Variants in NTRK2 observed in about 807,000 individuals in gnomAD.
NTRK2 encodes the protein BDNF/NT-3 growth factors receptor.
A neutral mutation model predicts 94.5 loss-of-function variants in NTRK2; 13 were observed. That is an observed-to-expected ratio of 0.14 (90% CI 0.09 to 0.22). NTRK2 has a LOEUF of 0.22. NTRK2 is among the 10% of genes least tolerant of loss of function. The pLI, the probability that NTRK2 is intolerant of heterozygous loss-of-function variation, is 1.00. For synonymous variants in NTRK2, 372 were observed against 407.4 expected (o/e 0.91, Z 1.05); for missense variants, 639 against 1,071.2 (o/e 0.60, Z 5.63).
At position 84,706,514 on chromosome 9, in the gene NTRK2, A is replaced by ATTTT. The variant is rs1251771059; in HGVS notation, c.360-1327_360-1324dup. 5.9e-3 allele frequency among the ~76,000 whole-genome samples: 407 copies of ATTTT among 68,458 alleles called. 18 individuals are homozygous for ATTTT. The highest frequency in any genetic ancestry group is 0.012 in the South Asian group (23 of 1,978). The allele number at this position is 68,458 out of a possible 152,430, so 44.9% of individuals were successfully genotyped here. ...GTCACCCTCAGATCTCATGTGTGTT[A>ATTTT]TTTTTTGTTTTTGTTTTTTTTTTTT... On this transcript the variant is annotated intron_variant, in intron 4 of 18. Coordinates refer to ENST00000277120, the MANE Select transcript of NTRK2 (RefSeq NM_006180.6).
chr9:84,783,607 A>G (rs905427059), intron 12 of NTRK2, among the ~76,000 whole-genome samples: 1 of 152,180 alleles, frequency 6.6e-6, no homozygotes, highest in African/African-American at 2.4e-5. Flanking sequence ...GTCCTCAGAG[A>G]TGGGCATTGA....
chr9:84,936,061 C>T (rs1274761561), intron 15 of NTRK2, among the ~76,000 whole-genome samples: 1 of 152,086 alleles, frequency 6.6e-6, no homozygotes, highest in African/African-American at 2.4e-5. Flanking sequence ...TAAGTCAGAC[C>T]TTCAGACTCT....
intron 12 of NTRK2, among the ~76,000 whole-genome samples, chr9:84,795,188 G>T (rs1050022614): frequency 4.6e-5 from 7 of 152,160 alleles, no homozygotes; most frequent in Admixed American, 6.5e-5. Context: ...ACCTCCTGAG[G>T]GGTGGTGGCA....
intron 9 of NTRK2, among the ~76,000 whole-genome samples, chr9:84,736,625 GAGA>G (rs1234263422): frequency 6.6e-6 from 1 of 152,162 alleles, no homozygotes; most frequent in Non-Finnish European, 1.5e-5. Flanking sequence ...TTAAATAACT[GAGA>G]AGAGAATGAT....
At chr9:84,959,582 A>G (rs534652500) in intron 17 of NTRK2, among the ~76,000 whole-genome samples, 1 of 152,342 alleles carries the variant, frequency 6.6e-6, no homozygotes, top group South Asian at 2.1e-4. Context: ...GTTGCAGCTG[A>G]GCTAATTATA....
intron 14 of NTRK2, among the ~76,000 whole-genome samples, chr9:84,907,135 T>C (rs1220590238): frequency 2.6e-5 from 4 of 152,170 alleles, no homozygotes; most frequent in Non-Finnish European, 4.4e-5. Flanking sequence ...AAAAGATGTA[T>C]TTAGAATCAC....
chr9:84,868,055 T>C (rs115008260), intron 14 of NTRK2, among the ~76,000 whole-genome samples: 28 of 152,368 alleles, frequency 1.8e-4, no homozygotes, highest in African/African-American at 6.7e-4. Flanking sequence ...GAGATTTTTC[T>C]AAGGGCCTTT....
intron 2 of NTRK2, among the ~76,000 whole-genome samples, chr9:84,677,227 G>T (rs1169086284): frequency 6.6e-6 from 1 of 152,142 alleles, no homozygotes; most frequent in African/African-American, 2.4e-5. Context: ...TTTCGATGAG[G>T]TCTGTGTTAG....
At chr9:84,710,128 A>T (rs2061343926) in intron 5 of NTRK2, among the ~76,000 whole-genome samples, 1 of 152,192 alleles carries the variant, frequency 6.6e-6, no homozygotes, top group African/African-American at 2.4e-5. Context: ...TCTGGCATTC[A>T]CAATTTAGTC....
intron 17 of NTRK2, among the ~76,000 whole-genome samples, chr9:84,967,035 T>C (rs1161213493): frequency 6.6e-6 from 1 of 152,214 alleles, no homozygotes; most frequent in Non-Finnish European, 1.5e-5. Flanking sequence ...TTAGGTTCAT[T>C]GAACCATGAC....
intron 14 of NTRK2, among the ~76,000 whole-genome samples, chr9:84,881,023 C>T (rs1027025529): frequency 6.6e-6 from 1 of 152,200 alleles, no homozygotes; most frequent in African/African-American, 2.4e-5. Context: ...AGAGCATGGC[C>T]AGCCCTTTGG....
intron 17 of NTRK2, among the ~76,000 whole-genome samples, chr9:84,977,488 G>A (rs1827036297): frequency 6.6e-6 from 1 of 152,222 alleles, no homozygotes; most frequent in Admixed American, 6.5e-5. Context: ...AACCTTCACT[G>A]GAAATGTGCA....
At chr9:84,843,284 A>G (rs1262235103) in intron 12 of NTRK2, among the ~76,000 whole-genome samples, 1 of 152,118 alleles carries the variant, frequency 6.6e-6, no homozygotes, top group Non-Finnish European at 1.5e-5. Context: ...TGCCTTGTAA[A>G]GTGAATGAGG....
At chr9:84,898,525 T>G (rs2132369630) in intron 14 of NTRK2, among the ~76,000 whole-genome samples, 1 of 152,174 alleles carries the variant, frequency 6.6e-6, no homozygotes. Context: ...TTTCTCGTTC[T>G]TATTTCTTAT....
At chr9:84,828,447 G>A (rs11140771) in intron 12 of NTRK2, among the ~76,000 whole-genome samples, 26,099 of 151,980 alleles carry the variant, frequency 0.17, 2,556 homozygotes, top group Non-Finnish European at 0.22. Context: ...CTTGTCTTTA[G>A]GGAGATTCAG....
intron 2 of NTRK2, among the ~76,000 whole-genome samples, chr9:84,679,316 C>A (rs2059254005): frequency 6.6e-6 from 1 of 152,186 alleles, no homozygotes; most frequent in African/African-American, 2.4e-5. Flanking sequence ...TCCCAAATCA[C>A]AGACATATAT....
chr9:84,931,281 C>T (rs2078016876), intron 14 of NTRK2, among the ~76,000 whole-genome samples: 1 of 152,014 alleles, frequency 6.6e-6, no homozygotes, highest in South Asian at 2.1e-4. Flanking sequence ...GTGGCACACA[C>T]CTGTAGTCTC....
chr9:84,863,397 C>T (rs1220633265), intron 13 of NTRK2, among the ~76,000 whole-genome samples: 1 of 152,164 alleles, frequency 6.6e-6, no homozygotes, highest in Admixed American at 6.5e-5. Flanking sequence ...CCTAAATCAG[C>T]CAAGTGTGCA....
Position 84,910,051 on chromosome 9 carries a change from A to C in NTRK2, c.1634-24111A>C, listed in dbSNP as rs2077193524. Among the ~76,000 whole-genome samples, 3 of 152,082 alleles carry C rather than the reference A, an allele frequency of 2.0e-5. No homozygotes were observed. The South Asian group carries it at 6.2e-4, about 31-fold the overall frequency. On this transcript the variant is annotated intron_variant, in intron 14 of 18. Transcript: ENST00000277120. Reference sequence around the variant, plus strand: ...ATCTCTATATTTATTTTTTTCTACGAAGTTCTGTAGTTTTATGTTTTACAT... The same window carrying C: ...ATCTCTATATTTATTTTTTTCTACGCAGTTCTGTAGTTTTATGTTTTACAT...
Sources: gnomAD v4.1 joint callset for allele counts (sites outside exome capture counted in the v4.1 genomes callset) on GRCh38, gnomAD v4.1.1 for gene constraint, MANE v1.5 for transcripts, NCBI Gene and HGNC (gene_info 2026-07-23, HGNC 2026-07-21) for gene names.